TMCC3: variants seen among roughly 807,000 people sequenced by gnomAD.
TMCC3 encodes transmembrane and coiled-coil domain protein 3.
TMCC3 carries 28 observed loss-of-function variants against 40.2 expected under a neutral mutation model. That is an observed-to-expected ratio of 0.70 (90% CI 0.52 to 0.95). The LOEUF (loss-of-function observed/expected upper bound fraction) is 0.95. Ranked by LOEUF, TMCC3 falls within the 40% of genes least tolerant of loss-of-function variation. The pLI is 0.00. For synonymous variants in TMCC3, 255 were observed against 248.5 expected, an observed-to-expected ratio of 1.03 and a Z score of -0.25; for missense variants, 554 against 615.2, an observed-to-expected ratio of 0.90 and a Z score of 1.05.
At chr12:94,635,092 AAGGCAC>A (rs2138879673) in intron 1 of TMCC3, among the ~76,000 whole-genome samples, 1 of 152,348 alleles carries the variant, frequency 6.6e-6, no homozygotes, top group African/African-American at 2.4e-5. Flanking sequence ...GATATTTAGG[AAGGCAC>A]AGGAGTAACA....
At chr12:94,589,339 G>T (rs1179771749) in intron 1 of TMCC3, among the ~76,000 whole-genome samples, 1 of 152,148 alleles carries the variant, frequency 6.6e-6, no homozygotes, top group Admixed American at 6.5e-5. Flanking sequence ...TAAAAGAAAG[G>T]CTTATTCCAT....
intron 1 of TMCC3, among the ~76,000 whole-genome samples, chr12:94,629,014 C>T (rs886153354): frequency 1.3e-5 from 2 of 152,192 alleles, no homozygotes; most frequent in African/African-American, 4.8e-5. Context: ...CTGCTGGTTG[C>T]CATGACAATT....
At chr12:94,590,871 C>T (rs2068670280) in intron 1 of TMCC3, 2 of 568,856 alleles carry the variant, frequency 3.5e-6, no homozygotes, top group Admixed American at 2.0e-5. Flanking sequence ...GAGAGGAGCC[C>T]CTGGATGTTA....
At chr12:94,627,008 G>T (rs2138873088) in intron 1 of TMCC3, among the ~76,000 whole-genome samples, 1 of 152,084 alleles carries the variant, frequency 6.6e-6, no homozygotes, top group East Asian at 1.9e-4. Flanking sequence ...CTAAAGGTGT[G>T]CACTACCACA....
chr12:94,644,426 G>A, intron 1 of TMCC3: 1 of 985,384 alleles, frequency 1.0e-6, no homozygotes, highest in South Asian at 4.7e-5. Flanking sequence ...CCGGCAGAGG[G>A]TCTGAAGCAA....
intron 1 of TMCC3, among the ~76,000 whole-genome samples, chr12:94,621,653 G>A (rs12424320): frequency 1.3e-5 from 2 of 152,172 alleles, no homozygotes; most frequent in Non-Finnish European, 2.9e-5. Flanking sequence ...CTCATTTTAA[G>A]ATAAGGAAAT....
intron 1 of TMCC3, chr12:94,616,488 G>C (rs947928861): frequency 3.9e-5 from 6 of 152,362 alleles, no homozygotes; most frequent in African/African-American, 1.4e-4. Context: ...ACTCTCTGTT[G>C]ATTCATTCAT....
At chr12:94,583,329 A>C (rs2068618714) in intron 1 of TMCC3, among the ~76,000 whole-genome samples, 1 of 151,810 alleles carries the variant, frequency 6.6e-6, no homozygotes, top group African/African-American at 2.4e-5. Flanking sequence ...ACATGGTGAA[A>C]CCCCATCTCT....
At chr12:94,641,716 G>C (rs1170175996) in intron 1 of TMCC3, among the ~76,000 whole-genome samples, 1 of 152,110 alleles carries the variant, frequency 6.6e-6, no homozygotes. Context: ...TCACAGAACG[G>C]AGAGCTTTGG....
rs184687819 is a variant in TMCC3, at chr12:94,601,512, G to C, written c.79-18974C>G. Among the ~76,000 whole-genome samples the C allele has an allele frequency of 1.5e-3, 233 of 152,082 alleles. 2 individuals are homozygous for C. Among genetic ancestry groups the C allele is most frequent in the Non-Finnish European group, 2.0e-3 (136 of 68,004 alleles). On this transcript the variant is annotated intron_variant, in intron 1 of 3. Transcript: ENST00000261226. Reference sequence around the variant, plus strand: ...ACTACACTCCAGCCTGGGCAACAGAGTGAGGCTGTGTCTCAAAAAACAAAA... The same window carrying C: ...ACTACACTCCAGCCTGGGCAACAGACTGAGGCTGTGTCTCAAAAAACAAAA...
chr12:94,574,820 A>C (rs2068554616), intron 3 of TMCC3, among the ~76,000 whole-genome samples: 1 of 152,242 alleles, frequency 6.6e-6, no homozygotes, highest in Admixed American at 6.5e-5. Flanking sequence ...GGAACAAGAC[A>C]AAAGACCAAC....
rs999128024 is a variant in TMCC3, at chr12:94,581,637, T to C, written c.980A>G (p.Gln327Arg). The change falls in exon 2 of 4, where the codon CAA becomes CGA. Residue 327 changes from glutamine to arginine, a missense_variant. Coordinates refer to ENST00000261226, the MANE Select transcript of TMCC3 (RefSeq NM_020698.4). Reference protein sequence around the residue: ...REYGFISQTLQEERYRYERLE... With the variant: ...REYGFISQTLREERYRYERLE... ...TTTGAAATACCTGTATCTTTCCTCT[T>C]GCAGGGTCTGAGAAATAAAACCATA... 1 of 1,566,932 alleles carries C rather than the reference T, an allele frequency of 6.4e-7. No individual in the cohort carries two copies. Among genetic ancestry groups the C allele is most frequent in the African/African-American group, 1.4e-5 (1 of 73,906 alleles).
intron 1 of TMCC3, among the ~76,000 whole-genome samples, chr12:94,646,779 G>A (rs1317696069): frequency 7.1e-6 from 1 of 140,004 alleles, no homozygotes; most frequent in East Asian, 2.1e-4. Context: ...TCTTATTTAA[G>A]ACACACAATC....
chr12:94,630,481 T>C lies in TMCC3; in HGVS notation c.78+19872A>G, dbSNP rs143120980. On this transcript the variant is annotated intron_variant, in intron 1 of 3. Transcript: ENST00000261226. ...GTTCTAGCCTTTTCACTTAGTGGGA[T>C]GATCCTGGACAAGTCGCTTAACCCC... is the stretch of plus-strand genomic sequence containing the variant. 2.2e-3 allele frequency among the ~76,000 whole-genome samples: 328 copies of C among 152,248 alleles called. 1 individual carries two copies. Among genetic ancestry groups the C allele is most frequent in the African/African-American group, 7.5e-3 (310 of 41,550 alleles).
intron 1 of TMCC3, among the ~76,000 whole-genome samples, chr12:94,601,306 G>T (rs961905967): frequency 6.6e-6 from 1 of 152,118 alleles, no homozygotes; most frequent in African/African-American, 2.4e-5. Context: ...CTTGAGGCCA[G>T]GCTTTCGAGA....
At chr12:94,580,434 TA>T (rs1034649230) in intron 2 of TMCC3, among the ~76,000 whole-genome samples, 1 of 152,054 alleles carries the variant, frequency 6.6e-6, no homozygotes, top group Non-Finnish European at 1.5e-5. Context: ...CTACAGAACA[TA>T]AAAAAATACA....
intron 1 of TMCC3, among the ~76,000 whole-genome samples, chr12:94,600,676 G>A (rs953231357): frequency 7.2e-5 from 11 of 151,990 alleles, no homozygotes; most frequent in East Asian, 1.9e-4. Context: ...ATTCCCTTCC[G>A]GACACAGCAT....
At chr12:94,649,911 C>G (rs1048718229) in intron 1 of TMCC3, among the ~76,000 whole-genome samples, 1 of 152,200 alleles carries the variant, frequency 6.6e-6, no homozygotes, top group Admixed American at 6.5e-5. Context: ...GCCACACGCC[C>G]CGAGGACAGG....
chr12:94,582,345 C>A lies in TMCC3; in HGVS notation c.272G>T (p.Gly91Val), dbSNP rs996854779. ...QIKIEQTSRD[G>V]NVAEYLKLVN... is the part of the protein sequence containing the mutation. The stretch of plus-strand genomic sequence containing the variant: ...TAGTTTCAGATACTCCGCAACATTC[C>A]CATCGCGCGATGTTTGCTCAATTTT... The change falls in exon 2 of 4, where the codon GGG becomes GTG. Residue 91 changes from glycine to valine, a missense_variant. Transcript: ENST00000261226. 6.2e-7 allele frequency: 1 copy of A among 1,613,948 alleles called. No individual in the cohort carries two copies.
Sources: allele counts gnomAD v4.1 joint callset (sites outside exome capture counted in the v4.1 genomes callset), GRCh38; gene constraint gnomAD v4.1.1; transcripts MANE v1.5; gene names NCBI Gene and HGNC (gene_info 2026-07-23, HGNC 2026-07-21).